Variants in CACNA2D3 observed in about 807,000 individuals in gnomAD.
CACNA2D3 encodes calcium voltage-gated channel auxiliary subunit alpha2delta 3, also known as voltage-dependent calcium channel subunit alpha-2/delta-3.
Under a neutral mutation model 160.6 loss-of-function variants are expected in CACNA2D3, and 60 were observed. That is an observed-to-expected ratio of 0.37 (90% CI 0.30 to 0.46). The LOEUF is 0.46. Ranked by LOEUF, CACNA2D3 falls within the 20% of genes least tolerant of loss-of-function variation. The probability of loss-of-function intolerance (pLI) is 1.00; values close to 1 mark genes in which losing one functional copy is unlikely to be tolerated. For synonymous variants in CACNA2D3, 558 were observed against 492.9 expected (o/e 1.13, Z -1.75); for missense variants, 1,205 against 1,365.0 (o/e 0.88, Z 1.85).
intron 8 of CACNA2D3, among the ~76,000 whole-genome samples, chr3:54,571,633 G>A (rs1702499575): frequency 6.7e-6 from 1 of 150,296 alleles, no homozygotes; most frequent in Non-Finnish European, 1.5e-5. Context: ...GTGTGTGTGT[G>A]TGTGTGTGTG....
At chr3:54,285,918 A>C (rs372197790) in intron 2 of CACNA2D3, among the ~76,000 whole-genome samples, 2,160 of 152,242 alleles carry the variant, frequency 0.014, 43 homozygotes, top group East Asian at 0.063. Flanking sequence ...CCACACCAAA[A>C]ACCCATCTGT....
intron 4 of CACNA2D3, among the ~76,000 whole-genome samples, chr3:54,499,653 A>G (rs898356751): frequency 2.0e-5 from 3 of 152,102 alleles, no homozygotes; most frequent in African/African-American, 7.2e-5. Context: ...TTCTTTTAAA[A>G]GTATGTTGTC....
intron 4 of CACNA2D3, among the ~76,000 whole-genome samples, chr3:54,400,603 T>C (rs1247970800): frequency 6.6e-6 from 1 of 152,190 alleles, no homozygotes; most frequent in Non-Finnish European, 1.5e-5. Context: ...TCCTACAGCC[T>C]AGTCTACCAG....
At chr3:54,339,044 C>T (rs751486758) in intron 3 of CACNA2D3, among the ~76,000 whole-genome samples, 2 of 152,130 alleles carry the variant, frequency 1.3e-5, no homozygotes, top group Non-Finnish European at 2.9e-5. Flanking sequence ...AAGTTCGGTT[C>T]GTTATTGCAG....
chr3:54,777,250 G>T lies in CACNA2D3; in HGVS notation c.1380+12899G>T, dbSNP rs1702441899. ...AGGTAAGGACATTTCACCTGACTTG[G>T]CCTCTTAGCCTGCTTCTATTTAAAA... On this transcript the variant is annotated intron_variant, in intron 13 of 37. Transcript: ENST00000474759. Among the ~76,000 whole-genome samples, 3 of 152,158 alleles carry T rather than the reference G, an allele frequency of 2.0e-5. No homozygotes were observed. In the South Asian group the frequency reaches 6.2e-4, roughly 32 times the overall value.
intron 11 of CACNA2D3, among the ~76,000 whole-genome samples, chr3:54,688,082 A>C (rs1192113173): frequency 6.6e-6 from 1 of 152,186 alleles, no homozygotes. Context: ...CATGTTGTAT[A>C]AGCAACATCA....
chr3:54,817,561 G>A (rs900966100), intron 14 of CACNA2D3, among the ~76,000 whole-genome samples: 1 of 152,208 alleles, frequency 6.6e-6, no homozygotes, highest in African/African-American at 2.4e-5. Flanking sequence ...CTGCTGCATT[G>A]TTCTTGTGTG....
Position 54,878,753 on chromosome 3 carries a change from C to T in CACNA2D3, c.1711-265C>T, listed in dbSNP as rs1011654356. Reference sequence around the variant, plus strand: ...CTCCAGGAGTTCACGCTCTGACCCCCGGGATTCATCAGTATCGCCAAGGCT... The same window carrying T: ...CTCCAGGAGTTCACGCTCTGACCCCTGGGATTCATCAGTATCGCCAAGGCT... On this transcript the variant is annotated intron_variant, in intron 18 of 37. Coordinates refer to ENST00000474759, the MANE Select transcript of CACNA2D3 (RefSeq NM_018398.3). 3.3e-5 allele frequency: 10 copies of T among 299,960 alleles called. No individual in the cohort carries two copies. In the East Asian group the frequency reaches 5.7e-4, roughly 17 times the overall value. The allele number at this position is 299,960 out of a possible 1,614,324, so 18.6% of individuals were successfully genotyped here.
intron 11 of CACNA2D3, among the ~76,000 whole-genome samples, chr3:54,740,342 G>A (rs1196870349): frequency 6.6e-6 from 1 of 152,120 alleles, no homozygotes; most frequent in East Asian, 1.9e-4. Context: ...GATAATGGTT[G>A]CCCCAAATTC....
Position 54,327,907 on chromosome 3 carries a change from G to T in CACNA2D3, c.321+7349G>T, listed in dbSNP as rs946946947. Among the ~76,000 whole-genome samples, 12 of 152,230 alleles carry T rather than the reference G, an allele frequency of 7.9e-5. No individual in the cohort carries two copies. In the East Asian group the frequency reaches 2.3e-3, roughly 29 times the overall value. Reference sequence around the variant, plus strand: ...GCTTTTTAAAAGATTACATGTTGTGGACATGTCAATGAATATAGATTTCTA... The same window carrying T: ...GCTTTTTAAAAGATTACATGTTGTGTACATGTCAATGAATATAGATTTCTA... On this transcript the variant is annotated intron_variant, in intron 3 of 37. Coordinates refer to ENST00000474759, the MANE Select transcript of CACNA2D3 (RefSeq NM_018398.3).
intron 17 of CACNA2D3, among the ~76,000 whole-genome samples, chr3:54,867,461 A>G (rs1422867722): frequency 6.6e-6 from 1 of 151,824 alleles, no homozygotes; most frequent in African/African-American, 2.4e-5. Flanking sequence ...AGAAAAAAAT[A>G]AAGGAACTAA....
At chr3:54,491,390 C>G (rs1701106402) in intron 4 of CACNA2D3, among the ~76,000 whole-genome samples, 1 of 152,228 alleles carries the variant, frequency 6.6e-6, no homozygotes, top group South Asian at 2.1e-4. Context: ...ACACAACTTA[C>G]CCTGCAGGAC....
intron 27 of CACNA2D3, among the ~76,000 whole-genome samples, chr3:54,920,433 T>G (rs1287718175): frequency 1.3e-5 from 2 of 152,166 alleles, no homozygotes; most frequent in African/African-American, 4.8e-5. Flanking sequence ...CTTGGGTTCC[T>G]CCTGGCTTCT....
At chr3:54,961,999 C>T (rs1702040124) in intron 27 of CACNA2D3, among the ~76,000 whole-genome samples, 1 of 152,088 alleles carries the variant, frequency 6.6e-6, no homozygotes, top group East Asian at 1.9e-4. Flanking sequence ...AGCGTGCTCA[C>T]TCAGGTCTCT....
rs112927376 is a variant in CACNA2D3, at chr3:54,239,722, TAAC to T, written c.205-80718_205-80716del. On this transcript the variant is annotated intron_variant, in intron 2 of 37. Transcript: ENST00000474759. Reference sequence around the variant, plus strand: ...AATATTATACTAGCATAGGAGATAATAACAGTGTAGTGGGTAAATATCATGGCT... The same window carrying T: ...AATATTATACTAGCATAGGAGATAATAGTGTAGTGGGTAAATATCATGGCT... Among the ~76,000 whole-genome samples the T allele has an allele frequency of 4.6e-5, 7 of 152,326 alleles. 1 individual carries two copies. Among genetic ancestry groups the T allele is most frequent in the African/African-American group, 1.7e-4 (7 of 41,582 alleles).
chr3:54,248,356 C>T (rs1201360147), intron 2 of CACNA2D3, among the ~76,000 whole-genome samples: 1 of 151,780 alleles, frequency 6.6e-6, no homozygotes, highest in Non-Finnish European at 1.5e-5. Context: ...TGGCATGCTC[C>T]TGTAATCCCA....
At chr3:54,502,542 A>G (rs757354050) in intron 4 of CACNA2D3, among the ~76,000 whole-genome samples, 5 of 152,174 alleles carry the variant, frequency 3.3e-5, no homozygotes, top group Admixed American at 6.5e-5. Context: ...TTTTTCCATT[A>G]GCCTCTAGAG....
chr3:54,592,647 A>G (rs916812459), intron 9 of CACNA2D3, among the ~76,000 whole-genome samples: 3 of 151,474 alleles, frequency 2.0e-5, no homozygotes, highest in Admixed American at 1.3e-4. Flanking sequence ...GGAGAATGAT[A>G]TGATTTTTCT....
chr3:54,610,484 C>A (rs1291117419), intron 9 of CACNA2D3, among the ~76,000 whole-genome samples: 1 of 151,630 alleles, frequency 6.6e-6, no homozygotes, highest in Non-Finnish European at 1.5e-5. Context: ...CACCTCAAGA[C>A]TGATTCAGTG....
Sources: allele counts gnomAD v4.1 joint callset (sites outside exome capture counted in the v4.1 genomes callset), GRCh38; gene constraint gnomAD v4.1.1; transcripts MANE v1.5; gene names NCBI Gene and HGNC (gene_info 2026-07-23, HGNC 2026-07-21).